The following MICU3 variants were observed in gnomAD, a reference collection of about 807,000 sequenced individuals.
MICU3 encodes the protein mitochondrial calcium uptake 3.
In MICU3, 62 loss-of-function variants were observed where a neutral mutation model predicts 66.5. That is an observed-to-expected ratio of 0.93 (90% confidence interval 0.76 to 1.15). The LOEUF is 1.15. Ranked by LOEUF, MICU3 falls within the 50% of genes most tolerant of loss-of-function variation. The probability of loss-of-function intolerance (pLI) is 0.00; values close to 1 mark genes in which losing one functional copy is unlikely to be tolerated. For missense variants in MICU3, 779 were observed against 664.4 expected, an observed-to-expected ratio of 1.17 and a Z score of -1.90; for synonymous variants, 308 against 240.7, an observed-to-expected ratio of 1.28 and a Z score of -2.59.
intron 1 of MICU3, among the ~76,000 whole-genome samples, chr8:17,054,620 G>C (rs1175608059): frequency 1.3e-5 from 2 of 151,986 alleles, no homozygotes; most frequent in Non-Finnish European, 2.9e-5. Context: ...GTCTCCCTTA[G>C]GTAATGTGGG....
At chr8:17,059,012 A>G (rs1026748221) in intron 1 of MICU3, among the ~76,000 whole-genome samples, 14 of 152,176 alleles carry the variant, frequency 9.2e-5, no homozygotes, top group African/African-American at 3.4e-4. Context: ...TTATTTTATA[A>G]TATTTCATTT....
At chr8:17,060,348 G>A (rs1030013380) in intron 1 of MICU3, among the ~76,000 whole-genome samples, 3 of 151,480 alleles carry the variant, frequency 2.0e-5, no homozygotes, top group Admixed American at 2.0e-4. Flanking sequence ...TTAGGCTGGA[G>A]TGCAGTGGTG....
At chr8:17,129,740 A>G in the MICU3 span, among the ~76,000 whole-genome samples, 1 of 152,228 alleles carries the variant, frequency 6.6e-6, no homozygotes, top group Non-Finnish European at 1.5e-5. Context: ...AAAAATTGAA[A>G]AAGTACTAAC....
At chr8:17,114,054 G>A (rs2150832274) in intron 11 of MICU3, 39 bp from the exon 12 acceptor site, 1 of 1,102,256 alleles carries the variant, frequency 9.1e-7, no homozygotes, top group South Asian at 2.2e-5. Flanking sequence ...AATAAATTTG[G>A]CAATACTAAA....
At chr8:17,028,869 T>A (rs1197815810) in intron 1 of MICU3, among the ~76,000 whole-genome samples, 1 of 152,232 alleles carries the variant, frequency 6.6e-6, no homozygotes, top group Non-Finnish European at 1.5e-5. Flanking sequence ...AACTTTTAAT[T>A]AACCATAGTT....
intron 3 of MICU3, among the ~76,000 whole-genome samples, chr8:17,072,617 A>G (rs1819764160): frequency 1.3e-5 from 2 of 152,090 alleles, no homozygotes. Flanking sequence ...AGAAGAGGGT[A>G]AGTGTCTTGC....
intron 2 of MICU3, 70 bp downstream of exon 2, chr8:17,064,307 G>A (rs75413937): frequency 0.051 from 64,195 of 1,254,406 alleles, 1,880 homozygotes; most frequent in Non-Finnish European, 0.059. Context: ...AATGGATGGA[G>A]CAGTATAAGT....
At position 17,027,587 on chromosome 8, in the gene MICU3, C is replaced by T. The variant is rs1226181509; in HGVS notation, c.308C>T (p.Ala103Val). The T allele has an allele frequency of 1.5e-6, 2 of 1,294,616 alleles. No individual in the cohort carries two copies. The highest frequency in any genetic ancestry group is 2.0e-6 in the Non-Finnish European group (2 of 1,024,818). 80.2% of individuals were successfully genotyped at this position (1,294,616 alleles called of 1,614,324 possible). ...GCGACCGGGCGACCCTCAAAGAGCG[C>T]GGCCACGGAGCCCGAGGACCCGCCC... Reference protein sequence around the residue: ...SPATGRPSKSAATEPEDPPRG... With the variant: ...SPATGRPSKSVATEPEDPPRG... The change falls in exon 1 of 15, where the codon GCG becomes GTG. Residue 103 changes from alanine to valine, a missense_variant. Physicochemically the swap from Ala to Val is moderately conservative, Grantham distance 64 (BLOSUM62 0). Coordinates refer to ENST00000318063, the MANE Select transcript of MICU3 (RefSeq NM_181723.3).
intron 11 of MICU3, among the ~76,000 whole-genome samples, chr8:17,106,498 A>C (rs1371092247): frequency 1.3e-5 from 2 of 150,880 alleles, no homozygotes; most frequent in Non-Finnish European, 2.9e-5. Context: ...CTACCCTAGT[A>C]GTGCAATTTT....
intron 9 of MICU3, among the ~76,000 whole-genome samples, chr8:17,101,113 A>G (rs1316424775): frequency 1.3e-5 from 2 of 151,904 alleles, no homozygotes; most frequent in Admixed American, 6.6e-5. Context: ...ATAGTTTGAT[A>G]TATTTATATT....
chr8:17,106,412 T>A (rs1208407056), intron 11 of MICU3, among the ~76,000 whole-genome samples: 1 of 152,008 alleles, frequency 6.6e-6, no homozygotes, highest in East Asian at 1.9e-4. Context: ...TAGAGTACTT[T>A]TTGTCTGTTG....
chr8:17,050,568 A>G (rs1032883419), intron 1 of MICU3, among the ~76,000 whole-genome samples: 54 of 152,208 alleles, frequency 3.5e-4, no homozygotes, highest in Middle Eastern at 6.8e-3. Context: ...TGGCTTCTCT[A>G]TTTGATCTGT....
At chr8:17,089,696 T>C (rs1205002256) in intron 7 of MICU3, among the ~76,000 whole-genome samples, 1 of 151,848 alleles carries the variant, frequency 6.6e-6, no homozygotes, top group Non-Finnish European at 1.5e-5. Context: ...TGTTCCTCAG[T>C]TTTTTTTCAT....
chr8:17,080,792 CAAA>C (rs1053117890), intron 4 of MICU3, among the ~76,000 whole-genome samples: 5 of 152,104 alleles, frequency 3.3e-5, no homozygotes, highest in Non-Finnish European at 7.4e-5. Flanking sequence ...TGTTCTGTAA[CAAA>C]GAAGACAGCC....
At chr8:17,065,969 C>A (rs1818615087) in intron 2 of MICU3, among the ~76,000 whole-genome samples, 1 of 151,540 alleles carries the variant, frequency 6.6e-6, no homozygotes, top group Non-Finnish European at 1.5e-5. Flanking sequence ...ACTACATAAG[C>A]AAAAACATGA....
At chr8:17,066,907 A>G (rs1460682592) in intron 2 of MICU3, among the ~76,000 whole-genome samples, 1 of 152,116 alleles carries the variant, frequency 6.6e-6, no homozygotes, top group Non-Finnish European at 1.5e-5. Context: ...TCTTCAGAAT[A>G]CATTCACTGG....
At chr8:17,130,128 G>C in the MICU3 span, among the ~76,000 whole-genome samples, 3 of 152,110 alleles carry the variant, frequency 2.0e-5, no homozygotes, top group East Asian at 5.8e-4. Context: ...TAGGCAATTG[G>C]GGAATGAAAC....
chr8:17,113,971 G>A (rs1356527470), intron 11 of MICU3, 122 bp from the exon 12 acceptor site: 3 of 570,346 alleles, frequency 5.3e-6, no homozygotes, highest in African/African-American at 3.8e-5. Context: ...AATGTGCCCT[G>A]GAAATGTTTA....
chr8:17,045,164 A>G (rs1190445807), intron 1 of MICU3, among the ~76,000 whole-genome samples: 4 of 152,126 alleles, frequency 2.6e-5, no homozygotes, highest in African/African-American at 7.2e-5. Flanking sequence ...AAAATAAATT[A>G]TGGAATACTT....
Sources: allele counts gnomAD v4.1 joint callset (sites outside exome capture counted in the v4.1 genomes callset), GRCh38; gene constraint gnomAD v4.1.1; transcripts MANE v1.5; gene names NCBI Gene and HGNC (gene_info 2026-07-23, HGNC 2026-07-21).